Variants in RHCG observed in about 807,000 individuals in gnomAD.
RHCG encodes ammonium transporter Rh type C.
In RHCG, 39 loss-of-function variants were observed where a neutral mutation model predicts 55.3. That is an observed-to-expected ratio of 0.70 (90% CI 0.55 to 0.92). The LOEUF (loss-of-function observed/expected upper bound fraction) is 0.92. Among genes scored for constraint, RHCG ranks in the 40% least tolerant of loss-of-function variants. The pLI is 0.00. For missense variants in RHCG, 635 were observed against 627.9 expected (o/e 1.01, Z -0.12); for synonymous variants, 250 against 246.8 (o/e 1.01, Z -0.12).
At chr15:89,488,126 C>G (rs1369064420) in intron 1 of RHCG, among the ~76,000 whole-genome samples, 1 of 152,220 alleles carries the variant, frequency 6.6e-6, no homozygotes, top group Non-Finnish European at 1.5e-5. Flanking sequence ...AGGGCTCCCA[C>G]TGGCCAAATC....
chr15:89,482,804 G>A (rs1961290692), intron 3 of RHCG, among the ~76,000 whole-genome samples: 1 of 152,180 alleles, frequency 6.6e-6, no homozygotes, highest in African/African-American at 2.4e-5. Flanking sequence ...TCCATGTGAT[G>A]TGTGGGAAAG....
In RHCG at chr15:89,477,662, G is replaced by A. The variant is rs767154158; in HGVS notation, c.976-9C>T. The A allele has an allele frequency of 1.9e-5, 31 of 1,613,872 alleles. No individual in the cohort carries two copies. The highest frequency in any genetic ancestry group is 1.1e-4 in the African/African-American group (8 of 75,022). On this transcript the variant is annotated splice_polypyrimidine_tract_variant and intron_variant, in intron 6 of 10. Coordinates refer to ENST00000268122, the MANE Select transcript of RHCG (RefSeq NM_016321.3). This position sits in a 1 kb window ranked among gnomAD's most constrained non-coding sequence, Gnocchi z 4.5. ...CGGGACTCCAGGAATGGCTGGAGACGGGAGGTGGGTGCTGCTCAGGCCGGG... is the reference window on the plus strand; with the variant it reads ...CGGGACTCCAGGAATGGCTGGAGACAGGAGGTGGGTGCTGCTCAGGCCGGG...
chr15:89,486,747 C>T, intron 2 of RHCG, 52 bp downstream of exon 2: 1 of 1,548,806 alleles, frequency 6.5e-7, no homozygotes. Flanking sequence ...CTCACCTGCC[C>T]AGCCCCATCC....
chr15:89,479,239 T>A, intron 5 of RHCG, 83 bp downstream of exon 5: 1 of 1,455,640 alleles, frequency 6.9e-7, no homozygotes, highest in Non-Finnish European at 9.3e-7. Context: ...GATGATCCCC[T>A]CAGAGGTGTT....
At chr15:89,476,520 C>G (rs1961152308) in intron 9 of RHCG, among the ~76,000 whole-genome samples, 1 of 152,184 alleles carries the variant, frequency 6.6e-6, no homozygotes, top group African/African-American at 2.4e-5. Context: ...CTGTCACCCC[C>G]TCTAGGGTGT....
intron 1 of RHCG, among the ~76,000 whole-genome samples, chr15:89,494,922 G>A (rs1355517739): frequency 5.9e-5 from 9 of 152,108 alleles, no homozygotes; most frequent in Non-Finnish European, 1.3e-4. Context: ...GTGCGGGAGG[G>A]AGGGAGAAGA....
chr15:89,486,866 A>C lies in RHCG; in HGVS notation c.304T>G (p.Trp102Gly). The change falls in exon 2 of 11, where the codon TGG becomes GGG. Residue 102 changes from tryptophan (W) to glycine (G), a missense_variant. By Grantham distance (184) the Trp-to-Gly change is radical. Transcript: ENST00000268122. Reference protein sequence around the residue: ...NFLLAAFGIQWALLMQGWFHF... With the variant: ...NFLLAAFGIQGALLMQGWFHF... The stretch of plus-strand genomic sequence containing the variant: ...AACCAGCCCTGCATGAGCAGCGCCC[A>C]CTGGATGCCGAAGGCTGCCAACAGG... 1 of 1,612,364 alleles carries C rather than the reference A, an allele frequency of 6.2e-7. No homozygotes were observed. Among genetic ancestry groups the C allele is most frequent in the Non-Finnish European group, 8.5e-7 (1 of 1,178,624 alleles).
intron 2 of RHCG, chr15:89,486,564 C>CAGAGAGAGACAG (rs1961363370): frequency 4.4e-6 from 1 of 229,516 alleles, no homozygotes; most frequent in African/African-American, 3.6e-5. Flanking sequence ...GAGAGAGAGA[C>CAGAGAGAGACAG]AGAGAGAGAG....
At position 89,483,237 on chromosome 15, in the gene RHCG, T is replaced by G. The variant is rs764364746; in HGVS notation, c.372-20A>C. ...ATGAGGCTGTGGGGAGACAGGCCAG[T>G]GGAGAAGCTGGGGCAATAGCAAAAA... On this transcript the variant is annotated intron_variant, in intron 2 of 10. Coordinates refer to ENST00000268122, the MANE Select transcript of RHCG (RefSeq NM_016321.3). The G allele has an allele frequency of 3.3e-6, 5 of 1,515,976 alleles. No homozygotes were observed. Among genetic ancestry groups the G allele is most frequent in the Non-Finnish European group, 4.5e-6 (5 of 1,113,216 alleles). 93.9% of individuals were successfully genotyped at this position (1,515,976 alleles called of 1,614,324 possible).
At chr15:89,479,279 G>C in intron 5 of RHCG, 43 bp downstream of exon 5, 1 of 1,584,838 alleles carries the variant, frequency 6.3e-7, no homozygotes, top group Non-Finnish European at 8.6e-7. Context: ...CGCCCTCCAG[G>C]CCCAGGCAGT....
At position 89,479,350 on chromosome 15, in the gene RHCG, G is replaced by T; in HGVS notation, c.809C>A (p.Ala270Asp). The T allele has an allele frequency of 1.2e-6, 2 of 1,614,100 alleles. No individual in the cohort carries two copies. The highest frequency in any genetic ancestry group is 1.7e-6 in the Non-Finnish European group (2 of 1,180,016). The change falls in exon 5 of 11, where the codon GCC (alanine) becomes GAC (aspartate). Residue 270 changes from alanine to aspartate, a missense_variant. Coordinates refer to ENST00000268122, the MANE Select transcript of RHCG (RefSeq NM_016321.3). The stretch of plus-strand genomic sequence containing the variant: ...GTCCAGCTTGCCCTTCTTGTGCAGG[G>T]CACTGGATATTGCCACCGAGGTAAG... ...CVLTSVAISS[A>D]LHKKGKLDMV...
chr15:89,486,843 C>G lies in RHCG; in HGVS notation c.327G>C (p.Trp109Cys). The G allele has an allele frequency of 6.2e-7, 1 of 1,609,184 alleles. No individual in the cohort carries two copies. The highest frequency in any genetic ancestry group is 8.5e-7 in the Non-Finnish European group (1 of 1,176,236). ...GIQWALLMQGWFHFLQDRYIV... is the reference protein window; with the variant it reads ...GIQWALLMQGCFHFLQDRYIV... ...TGTAGCGGTCTTGTAAGAAGTGGAA[C>G]CAGCCCTGCATGAGCAGCGCCCACT... Residue 109 changes from tryptophan (W) to cysteine (C), a missense_variant, in exon 2 of 11, where the codon TGG becomes TGC. Coordinates refer to ENST00000268122, the MANE Select transcript of RHCG (RefSeq NM_016321.3).
At position 89,476,757 on chromosome 15, in the gene RHCG, C is replaced by T; in HGVS notation, c.1309G>A (p.Glu437Lys). 1 of 1,613,760 alleles carries T rather than the reference C, an allele frequency of 6.2e-7. No individual in the cohort carries two copies. The highest frequency in any genetic ancestry group is 1.1e-5 in the South Asian group (1 of 91,066). Reference protein sequence around the residue: ...ENCFEDAVYWEMPEGNSTVYI... With the variant: ...ENCFEDAVYWKMPEGNSTVYI... Reference sequence around the variant, plus strand: ...GGGGCCAAGTCCCTGGAACTCACCTCCCAGTAGACCGCATCCTCAAAGCAG... The same window carrying T: ...GGGGCCAAGTCCCTGGAACTCACCTTCCAGTAGACCGCATCCTCAAAGCAG... Residue 437 changes from glutamate (E) to lysine (K), a missense_variant and splice_region_variant, in exon 9 of 11, where the codon GAG becomes AAG. Physicochemically the swap from Glu to Lys is moderately conservative, Grantham distance 56. Transcript: ENST00000268122.
Position 89,496,576 on chromosome 15 carries a change from G to GGCGGTTC in RHCG, c.-39_-33dup. ...GGGGTGCCTGGCCGGGCTGGCAGCGGGCGGTTCGGACGCTCGGAGGCCGGC... is the reference window on the plus strand; with the variant it reads ...GGGGTGCCTGGCCGGGCTGGCAGCGGGCGGTTCGCGGTTCGGACGCTCGGAGGCCGGC... On this transcript the variant is annotated 5_prime_UTR_variant, in exon 1 of 11. Transcript: ENST00000268122. 6.3e-7 allele frequency: 1 copy of GGCGGTTC among 1,595,432 alleles called. No homozygotes were observed. Among genetic ancestry groups the GGCGGTTC allele is most frequent in the Non-Finnish European group, 8.5e-7 (1 of 1,172,058 alleles).
intron 9 of RHCG, among the ~76,000 whole-genome samples, chr15:89,475,870 A>T (rs1961138907): frequency 1.3e-5 from 2 of 152,128 alleles, no homozygotes; most frequent in Admixed American, 6.5e-5. Flanking sequence ...CCGCTGCTCA[A>T]ATACAGTGGT....
At position 89,486,969 on chromosome 15, in the gene RHCG, G is replaced by A. The variant is rs994251083; in HGVS notation, c.201C>T (p.His67=). ...AGCCGAAGCCCACGAAGACCATCACGTGCACGTCCTGGAAGCCTGCGGGGA... is the reference window on the plus strand; with the variant it reads ...AGCCGAAGCCCACGAAGACCATCACATGCACGTCCTGGAAGCCTGCGGGGA... ...YYRYPSFQDV[H]VMVFVGFGFL... is the part of the protein sequence containing the mutation. The change falls in exon 2 of 11, where the codon CAC becomes CAT. Residue 67 remains histidine (H), a synonymous_variant. Transcript: ENST00000268122. 1.3e-6 allele frequency: 2 copies of A among 1,599,504 alleles called. No homozygotes were observed. The highest frequency in any genetic ancestry group is 1.7e-4 in the Middle Eastern group (1 of 6,010).
intron 1 of RHCG, among the ~76,000 whole-genome samples, chr15:89,495,411 A>T (rs1474936049): frequency 6.6e-6 from 1 of 152,234 alleles, no homozygotes; most frequent in Non-Finnish European, 1.5e-5. Context: ...CAAAGCTAAC[A>T]GTCAATGACT....
intron 1 of RHCG, among the ~76,000 whole-genome samples, chr15:89,492,490 C>T (rs1001540612): frequency 2.0e-5 from 3 of 152,170 alleles, no homozygotes; most frequent in African/African-American, 7.2e-5. Context: ...CCCAAGACTC[C>T]GTGCCCACCT....
rs1018235571 is a variant in RHCG, at chr15:89,495,983, C to T, written c.184+378G>A. Among the ~76,000 whole-genome samples the T allele has an allele frequency of 3.3e-5, 5 of 152,232 alleles. No homozygotes were observed. In the East Asian group the frequency reaches 9.6e-4, roughly 29 times the overall value. ...CACAACACCTCTGCCCACAGCAGGGCTGGCGCTTATTTGGAGTAAGCGCTC... is the reference window on the plus strand; with the variant it reads ...CACAACACCTCTGCCCACAGCAGGGTTGGCGCTTATTTGGAGTAAGCGCTC... On this transcript the variant is annotated intron_variant, in intron 1 of 10. Coordinates refer to ENST00000268122, the MANE Select transcript of RHCG (RefSeq NM_016321.3).
Sources: allele counts gnomAD v4.1 joint callset (sites outside exome capture counted in the v4.1 genomes callset), GRCh38; gene constraint gnomAD v4.1.1; non-coding constraint Gnocchi (gnomAD v3.1); transcripts MANE v1.5; gene names NCBI Gene and HGNC (gene_info 2026-07-23, HGNC 2026-07-21).